COTL1: variants seen among roughly 807,000 people sequenced by gnomAD.
COTL1 encodes the protein coactosin like F-actin binding protein 1, also known as coactosin-like protein.
Under a neutral mutation model 16.5 loss-of-function variants are expected in COTL1, and 15 were observed. The ratio of observed to expected loss-of-function variants is 0.91; its 90% CI spans 0.61 to 1.40. The LOEUF is 1.40. COTL1 is among the 40% of genes most tolerant of loss of function. The pLI is 0.00. For missense variants in COTL1, 220 were observed against 201.5 expected (o/e 1.09, Z -0.56); for synonymous variants, 112 against 85.3 (o/e 1.31, Z -1.73).
intron 1 of COTL1, 111 bp from the exon 2 acceptor site, chr16:84,617,694 C>T: frequency 1.4e-6 from 2 of 1,386,828 alleles, no homozygotes; most frequent in African/African-American, 1.4e-5. Flanking sequence ...GAGAAGCCCG[C>T]GGGGGCCTGG....
In COTL1 at chr16:84,590,068, C is replaced by A. The variant is rs775462498; in HGVS notation, c.318+37G>T. 3 of 1,580,298 alleles carry A rather than the reference C, an allele frequency of 1.9e-6. No individual in the cohort carries two copies. The highest frequency in any genetic ancestry group is 2.3e-5 in the East Asian group (1 of 44,124). ...CTCCTTGCAGGATGGTGACCCTTGGCGAGCTTTGACCTCCAGACTCTGGAG... is the reference window on the plus strand; with the variant it reads ...CTCCTTGCAGGATGGTGACCCTTGGAGAGCTTTGACCTCCAGACTCTGGAG... On this transcript the variant is annotated intron_variant, in intron 3 of 3. Coordinates refer to ENST00000262428, the MANE Select transcript of COTL1 (RefSeq NM_021149.5). This position sits in a 1 kb window ranked among gnomAD's most constrained non-coding sequence, Gnocchi z 5.5.
chr16:84,606,794 C>G (rs1472196231), intron 2 of COTL1, among the ~76,000 whole-genome samples: 1 of 152,224 alleles, frequency 6.6e-6, no homozygotes, highest in African/African-American at 2.4e-5. Flanking sequence ...CTGCACCCTC[C>G]ATGTTCCTCT....
intron 2 of COTL1, among the ~76,000 whole-genome samples, chr16:84,593,956 G>T (rs114077747): frequency 6.6e-6 from 1 of 152,144 alleles, no homozygotes; most frequent in African/African-American, 2.4e-5. Flanking sequence ...GGCCCTGGCA[G>T]CCACTCTTCC....
chr16:84,569,300 G>A (rs544551460), intron 3 of COTL1, among the ~76,000 whole-genome samples: 88 of 152,250 alleles, frequency 5.8e-4, no homozygotes, highest in Middle Eastern at 3.4e-3. Context: ...CAGCCTGGGC[G>A]ACAGGGTGAG....
chr16:84,605,288 A>G (rs909194403), intron 2 of COTL1, among the ~76,000 whole-genome samples: 9 of 152,218 alleles, frequency 5.9e-5, no homozygotes, highest in African/African-American at 2.2e-4. Flanking sequence ...ACGCCAGGTA[A>G]GAATTGCAGC....
At chr16:84,617,608 C>T in intron 1 of COTL1, 25 bp from the exon 2 acceptor site, 1 of 1,526,248 alleles carries the variant, frequency 6.6e-7, no homozygotes, top group South Asian at 1.2e-5. Context: ...AAGAAAAAAA[C>T]ACACACACAC....
At chr16:84,572,942 T>C (rs1268045755) in intron 3 of COTL1, among the ~76,000 whole-genome samples, 1 of 145,988 alleles carries the variant, frequency 6.8e-6, no homozygotes, top group Non-Finnish European at 1.5e-5. Context: ...TGGTAGATAA[T>C]GGGGTTTTAC....
At chr16:84,596,505 G>C (rs1359901641) in intron 2 of COTL1, 1 of 152,250 alleles carries the variant, frequency 6.6e-6, no homozygotes, top group Non-Finnish European at 1.5e-5. Flanking sequence ...CACCTCTCCA[G>C]TGAAACTGCC....
intron 2 of COTL1, among the ~76,000 whole-genome samples, chr16:84,597,539 G>A (rs1396414083): frequency 6.6e-6 from 1 of 152,168 alleles, no homozygotes; most frequent in Non-Finnish European, 1.5e-5. Flanking sequence ...TGATCCAGAC[G>A]CTGGGAGTGG....
intron 3 of COTL1, among the ~76,000 whole-genome samples, chr16:84,569,988 AG>A (rs1198457493): frequency 6.6e-6 from 1 of 152,216 alleles, no homozygotes; most frequent in Non-Finnish European, 1.5e-5. Flanking sequence ...AAGAAAAATA[AG>A]TTTGAGAGCC....
At chr16:84,573,506 G>A (rs1904379145) in intron 3 of COTL1, among the ~76,000 whole-genome samples, 2 of 152,236 alleles carry the variant, frequency 1.3e-5, no homozygotes, top group African/African-American at 4.8e-5. Flanking sequence ...ACTTGGGCCA[G>A]ATGCAGTGGC....
intron 3 of COTL1, among the ~76,000 whole-genome samples, chr16:84,574,084 C>G (rs966760419): frequency 6.6e-6 from 1 of 152,180 alleles, no homozygotes; most frequent in African/African-American, 2.4e-5. Flanking sequence ...AGGAAGATCA[C>G]TTGAGCCTGG....
At chr16:84,585,913 A>T (rs1372075530) in intron 3 of COTL1, among the ~76,000 whole-genome samples, 1 of 152,190 alleles carries the variant, frequency 6.6e-6, no homozygotes, top group Non-Finnish European at 1.5e-5. Context: ...CCCCACTGCA[A>T]TGCACATCTG....
In COTL1 at chr16:84,566,301, G is replaced by A. The variant is rs1015061790; in HGVS notation, c.*544C>T. 2.0e-5 allele frequency: 3 copies of A among 152,766 alleles called. No homozygotes were observed. Among genetic ancestry groups the A allele is most frequent in the African/African-American group, 7.2e-5 (3 of 41,458 alleles). The allele number at this position is 152,766 out of a possible 1,614,324, so 9.5% of individuals were successfully genotyped here. A position where few individuals can be genotyped will look rare whatever the true frequency, so the allele number is the denominator to read the frequency against. ...AGGTGGGATGAGGGAGCCCGGGGCA[G>A]ATACCAGGAGGTCTGGGCCTTAGTA... On this transcript the variant is annotated 3_prime_UTR_variant, in exon 4 of 4. Coordinates refer to ENST00000262428, the MANE Select transcript of COTL1 (RefSeq NM_021149.5).
chr16:84,591,180 T>C (rs1373536695), intron 2 of COTL1, among the ~76,000 whole-genome samples: 3 of 140,534 alleles, frequency 2.1e-5, no homozygotes, highest in African/African-American at 8.3e-5. Context: ...TTTGATATTC[T>C]GGAATTTTTT....
intron 3 of COTL1, among the ~76,000 whole-genome samples, chr16:84,580,627 T>G (rs1904566578): frequency 6.6e-6 from 1 of 152,134 alleles, no homozygotes; most frequent in Non-Finnish European, 1.5e-5. Flanking sequence ...ACATTTAAAG[T>G]GGCCTCCAGT....
chr16:84,567,131 G>C (rs2604937), intron 3 of COTL1, 176 bp from the exon 4 acceptor site: 3 of 576,900 alleles, frequency 5.2e-6, no homozygotes, highest in Non-Finnish European at 9.5e-6. Flanking sequence ...AATGGAAATT[G>C]AACAGCAGAG....
intron 2 of COTL1, among the ~76,000 whole-genome samples, chr16:84,602,673 G>T (rs542462628): frequency 2.6e-4 from 39 of 152,140 alleles, no homozygotes; most frequent in African/African-American, 9.2e-4. Context: ...TGGCCAACCC[G>T]GCAAAACCCT....
intron 2 of COTL1, among the ~76,000 whole-genome samples, chr16:84,604,328 G>A (rs556228105): frequency 1.1e-3 from 56 of 49,774 alleles, no homozygotes; most frequent in African/African-American, 3.9e-3. Context: ...CCCCTCCCAC[G>A]GCCCCCACCC....
Sources: allele counts gnomAD v4.1 joint callset (sites outside exome capture counted in the v4.1 genomes callset), GRCh38; gene constraint gnomAD v4.1.1; non-coding constraint Gnocchi (gnomAD v3.1); transcripts MANE v1.5; gene names NCBI Gene and HGNC (gene_info 2026-07-23, HGNC 2026-07-21).